Variants in CPE observed in about 807,000 individuals in gnomAD.
CPE encodes the protein carbocypeptidase E.
CPE carries 17 observed loss-of-function variants against 53.5 expected under a neutral mutation model. The ratio of observed to expected loss-of-function variants is 0.32; its 90% CI spans 0.22 to 0.48. CPE has a LOEUF of 0.48. Ranked by LOEUF, CPE falls within the 20% of genes least tolerant of loss-of-function variation. The pLI, the probability that CPE is intolerant of heterozygous loss-of-function variation, is 0.99. For missense variants in CPE, 524 were observed against 614.7 expected (o/e 0.85, Z 1.56); for synonymous variants, 226 against 228.8 (o/e 0.99, Z 0.11).
intron 1 of CPE, among the ~76,000 whole-genome samples, chr4:165,392,552 T>C (rs1730701091): frequency 6.8e-6 from 1 of 146,012 alleles, no homozygotes; most frequent in Non-Finnish European, 1.5e-5. Context: ...TATTTATATA[T>C]TATAATGGAG....
intron 1 of CPE, among the ~76,000 whole-genome samples, chr4:165,433,913 C>G (rs984460607): frequency 6.6e-5 from 10 of 152,090 alleles, no homozygotes; most frequent in African/African-American, 2.4e-4. Context: ...CATTTTGTAC[C>G]TGTTCTTTGG....
chr4:165,489,245 A>C (rs1484759264), intron 6 of CPE, among the ~76,000 whole-genome samples: 1 of 152,210 alleles, frequency 6.6e-6, no homozygotes, highest in Non-Finnish European at 1.5e-5. Context: ...TTACATATCA[A>C]ATACAGTGCT....
intron 1 of CPE, among the ~76,000 whole-genome samples, chr4:165,458,586 C>CT (rs1310419382): frequency 2.6e-5 from 4 of 152,158 alleles, no homozygotes; most frequent in African/African-American, 4.8e-5. Flanking sequence ...CCTTAACCTA[C>CT]TTTTTTTCCC....
Position 165,484,521 on chromosome 4 carries a change from G to A in CPE, c.890G>A (p.Arg297Gln), listed in dbSNP as rs541147146. Reference protein sequence around the residue: ...SFNPAMSDPNRPPCRKNDDDS... With the variant: ...SFNPAMSDPNQPPCRKNDDDS... ...AACCCGGCCATGTCTGACCCCAATC[G>A]GCCACCATGTCGCAAGAATGATGAT... The change falls in exon 5 of 9, where the codon CGG (arginine) becomes CAG (glutamine). Residue 297 changes from arginine (R) to glutamine (Q), a missense_variant. Arg to Gln is a conservative substitution (Grantham distance 43). Coordinates refer to ENST00000402744, the MANE Select transcript of CPE (RefSeq NM_001873.4). 12 of 1,614,004 alleles carry A rather than the reference G, an allele frequency of 7.4e-6. No individual in the cohort carries two copies. Among genetic ancestry groups the A allele is most frequent in the East Asian group, 4.5e-5 (2 of 44,876 alleles).
At chr4:165,411,218 G>A (rs1266870655) in intron 1 of CPE, among the ~76,000 whole-genome samples, 3 of 152,168 alleles carry the variant, frequency 2.0e-5, no homozygotes, top group African/African-American at 7.2e-5. Context: ...GACATTGTTG[G>A]AAAGGGAGGT....
intron 1 of CPE, among the ~76,000 whole-genome samples, chr4:165,428,434 A>G (rs1731357075): frequency 7.4e-6 from 1 of 135,456 alleles, no homozygotes; most frequent in Non-Finnish European, 1.6e-5. Flanking sequence ...AAGAAAAAAG[A>G]CTTACTGTAA....
intron 1 of CPE, among the ~76,000 whole-genome samples, chr4:165,435,408 T>C (rs1211950522): frequency 6.6e-6 from 1 of 152,152 alleles, no homozygotes; most frequent in Non-Finnish European, 1.5e-5. Context: ...AAGCTTGAGT[T>C]TGTGTTTATA....
intron 1 of CPE, among the ~76,000 whole-genome samples, chr4:165,395,883 A>G (rs1190150790): frequency 1.3e-5 from 2 of 152,214 alleles, no homozygotes; most frequent in African/African-American, 4.8e-5. Flanking sequence ...TCTCGCCTGT[A>G]TAGACTGGGC....
chr4:165,427,874 T>G lies in CPE; in HGVS notation c.308-36516T>G, dbSNP rs531524495. On this transcript the variant is annotated intron_variant, in intron 1 of 8. Transcript: ENST00000402744. ...TTTGATATTTAATTTAGATGTAATT[T>G]CTTCTTGAAAAAAATGTGAATTTGT... 2.0e-5 allele frequency among the ~76,000 whole-genome samples: 3 copies of G among 151,758 alleles called. No individual in the cohort carries two copies. The East Asian group carries it at 5.8e-4, about 29-fold the overall frequency.
chr4:165,453,452 A>G (rs775570299), intron 1 of CPE, among the ~76,000 whole-genome samples: 3 of 149,496 alleles, frequency 2.0e-5, no homozygotes, highest in Non-Finnish European at 4.4e-5. Flanking sequence ...TAGCATGATC[A>G]TGGCTCACTG....
Position 165,379,064 on chromosome 4 carries a change from C to T in CPE, c.-158C>T, listed in dbSNP as rs1023990575. On this transcript the variant is annotated 5_prime_UTR_variant, in exon 1 of 9. Coordinates refer to ENST00000402744, the MANE Select transcript of CPE (RefSeq NM_001873.4). This position sits in a 1 kb window ranked among gnomAD's most constrained non-coding sequence, Gnocchi z 6.0. ...CCGTCTCCTCTGGGTGGCCCCAGTG[C>T]GCGGGCTGACACTCATTCAGCCGGG... 4 of 624,594 alleles carry T rather than the reference C, an allele frequency of 6.4e-6. No homozygotes were observed. Among genetic ancestry groups the T allele is most frequent in the Admixed American group, 4.7e-5 (1 of 21,380 alleles). 38.7% of individuals were successfully genotyped at this position (624,594 alleles called of 1,614,324 possible).
intron 1 of CPE, among the ~76,000 whole-genome samples, chr4:165,389,492 G>A (rs1048735598): frequency 6.6e-6 from 1 of 152,136 alleles, no homozygotes; most frequent in African/African-American, 2.4e-5. Context: ...TTTTTAAACA[G>A]TTGGGCTAAC....
chr4:165,471,650 C>T (rs72703688), intron 3 of CPE, among the ~76,000 whole-genome samples: 15,042 of 152,222 alleles, frequency 0.099, 958 homozygotes, highest in Non-Finnish European at 0.14. Context: ...TGGGTTTCTG[C>T]CATCAAATAC....
At chr4:165,438,582 C>T (rs578244538) in intron 1 of CPE, among the ~76,000 whole-genome samples, 1 of 152,188 alleles carries the variant, frequency 6.6e-6, no homozygotes, top group Non-Finnish European at 1.5e-5. Flanking sequence ...GCTCCTGGGT[C>T]CTACAGTTTA....
intron 3 of CPE, among the ~76,000 whole-genome samples, chr4:165,470,955 G>A (rs1408257380): frequency 6.6e-6 from 1 of 152,150 alleles, no homozygotes; most frequent in African/African-American, 2.4e-5. Flanking sequence ...TTGATGGGAA[G>A]TCTAGGGGTC....
intron 1 of CPE, among the ~76,000 whole-genome samples, chr4:165,460,252 T>C (rs1201368138): frequency 6.6e-6 from 1 of 151,058 alleles, no homozygotes; most frequent in Admixed American, 6.6e-5. Context: ...AAAGAACGTA[T>C]TGACTCAGAG....
At chr4:165,457,519 A>G (rs1186889405) in intron 1 of CPE, among the ~76,000 whole-genome samples, 2 of 152,234 alleles carry the variant, frequency 1.3e-5, no homozygotes, top group South Asian at 4.1e-4. Flanking sequence ...TTCAATTAGA[A>G]TCTTAGTAGA....
intron 3 of CPE, among the ~76,000 whole-genome samples, chr4:165,481,382 A>G (rs1732409211): frequency 6.6e-6 from 1 of 152,210 alleles, no homozygotes; most frequent in Non-Finnish European, 1.5e-5. Context: ...GAGATCTTAT[A>G]ACCATCAAAC....
At chr4:165,455,066 C>T (rs957541031) in intron 1 of CPE, among the ~76,000 whole-genome samples, 2 of 152,218 alleles carry the variant, frequency 1.3e-5, no homozygotes, top group South Asian at 2.1e-4. Flanking sequence ...AACTTTCGAC[C>T]TTTGGAAACT....
Sources: allele counts gnomAD v4.1 joint callset (sites outside exome capture counted in the v4.1 genomes callset), GRCh38; gene constraint gnomAD v4.1.1; non-coding constraint Gnocchi (gnomAD v3.1); transcripts MANE v1.5; gene names NCBI Gene and HGNC (gene_info 2026-07-23, HGNC 2026-07-21).